DPP6: variants seen among roughly 807,000 people sequenced by gnomAD.
DPP6 encodes A-type potassium channel modulatory protein DPP6.
In DPP6, 69 loss-of-function variants were observed where a neutral mutation model predicts 122.6. The observed-to-expected ratio is 0.56, with a 90% confidence interval of 0.46 to 0.69. The LOEUF is 0.69. Among genes scored for constraint, DPP6 ranks in the 30% least tolerant of loss-of-function variants. The pLI, the probability that DPP6 is intolerant of heterozygous loss-of-function variation, is 0.00. For missense variants in DPP6, 928 were observed against 1,116.9 expected (o/e 0.83, Z 2.41); for synonymous variants, 418 against 433.1 (o/e 0.97, Z 0.43).
At chr7:153,913,892 T>C (rs1162499332) in intron 1 of DPP6, among the ~76,000 whole-genome samples, 1 of 152,122 alleles carries the variant, frequency 6.6e-6, no homozygotes, top group Non-Finnish European at 1.5e-5. Context: ...CATTTGAAAA[T>C]TATATAGTAG....
At chr7:153,840,157 T>C in the DPP6 span, among the ~76,000 whole-genome samples, 3 of 152,196 alleles carry the variant, frequency 2.0e-5, no homozygotes, top group Non-Finnish European at 4.4e-5. Flanking sequence ...TTTTGAATAA[T>C]ATTCCATTTC....
the DPP6 span, among the ~76,000 whole-genome samples, chr7:153,771,090 A>G: frequency 5.9e-5 from 9 of 152,230 alleles, no homozygotes; most frequent in African/African-American, 2.2e-4. Flanking sequence ...TTGGTCCAAA[A>G]TTAATTAGAA....
chr7:153,823,684 G>T, the DPP6 span, among the ~76,000 whole-genome samples: 47 of 151,612 alleles, frequency 3.1e-4, no homozygotes, highest in African/African-American at 1.1e-3. Flanking sequence ...TTGTCTGGGA[G>T]AGCTGGGAAG....
At chr7:154,055,724 CTT>C (rs1386817972) in intron 1 of DPP6, 1 of 152,222 alleles carries the variant, frequency 6.6e-6, no homozygotes, top group Admixed American at 6.5e-5. Flanking sequence ...GAAACCTTCT[CTT>C]GGCTTAGCGC....
At chr7:154,565,269 T>C (rs1830671134) in intron 4 of DPP6, among the ~76,000 whole-genome samples, 1 of 152,238 alleles carries the variant, frequency 6.6e-6, no homozygotes, top group Non-Finnish European at 1.5e-5. Context: ...AATGGTTCAG[T>C]ATCCACTAGT....
intron 1 of DPP6, among the ~76,000 whole-genome samples, chr7:154,343,654 C>T (rs773241082): frequency 1.3e-5 from 2 of 152,222 alleles, no homozygotes; most frequent in East Asian, 3.9e-4. Flanking sequence ...GATCTCGGCT[C>T]ACTGCACCCT....
the DPP6 span, among the ~76,000 whole-genome samples, chr7:153,776,631 A>G: frequency 6.6e-6 from 1 of 152,206 alleles, no homozygotes; most frequent in Non-Finnish European, 1.5e-5. Flanking sequence ...GTCCAGAAAT[A>G]GACTCACATA....
intron 7 of DPP6, among the ~76,000 whole-genome samples, chr7:154,703,726 A>G (rs1296405543): frequency 2.6e-5 from 4 of 152,078 alleles, no homozygotes; most frequent in Non-Finnish European, 5.9e-5. Flanking sequence ...TCATGAGGTC[A>G]GGAATCGACA....
chr7:154,687,053 C>T (rs1839655219), intron 7 of DPP6, among the ~76,000 whole-genome samples: 1 of 148,030 alleles, frequency 6.8e-6, no homozygotes, highest in African/African-American at 2.5e-5. Flanking sequence ...TAACTGTTAC[C>T]AGACAGTATC....
chr7:154,008,711 G>A (rs1166324760), intron 1 of DPP6, among the ~76,000 whole-genome samples: 1 of 147,190 alleles, frequency 6.8e-6, no homozygotes, highest in Admixed American at 6.8e-5. Flanking sequence ...GCCCAGGCTG[G>A]AGTGCAGTGG....
chr7:154,840,314 C>G (rs545854529), intron 16 of DPP6, among the ~76,000 whole-genome samples: 1 of 152,316 alleles, frequency 6.6e-6, no homozygotes, highest in African/African-American at 2.4e-5. Context: ...TGCTGTCACA[C>G]GGTGGACCAA....
chr7:154,600,947 C>T (rs1833387928), intron 5 of DPP6, among the ~76,000 whole-genome samples: 1 of 119,232 alleles, frequency 8.4e-6, no homozygotes, highest in South Asian at 3.6e-4. Context: ...CAAAATTTGC[C>T]AGGCGTGGTG....
At chr7:154,346,189 C>T (rs1810379954) in intron 1 of DPP6, among the ~76,000 whole-genome samples, 1 of 152,132 alleles carries the variant, frequency 6.6e-6, no homozygotes, top group Admixed American at 6.5e-5. Flanking sequence ...CAGAGGTTGG[C>T]CCAGACTCCC....
chr7:153,803,848 C>CAT, the DPP6 span, among the ~76,000 whole-genome samples: 2 of 149,266 alleles, frequency 1.3e-5, no homozygotes, highest in African/African-American at 5.1e-5. Flanking sequence ...TACATACACA[C>CAT]ACACACATAT....
the DPP6 span, among the ~76,000 whole-genome samples, chr7:153,763,417 T>A: frequency 1.3e-5 from 2 of 149,506 alleles, no homozygotes; most frequent in Non-Finnish European, 3.0e-5. Flanking sequence ...TCTTCTGAAT[T>A]ATTTTCTAAG....
At chr7:153,976,098 A>G (rs1796286500) in intron 1 of DPP6, among the ~76,000 whole-genome samples, 1 of 152,196 alleles carries the variant, frequency 6.6e-6, no homozygotes, top group Admixed American at 6.5e-5. Flanking sequence ...GGACTTGGAC[A>G]TGAACTGGGA....
At chr7:153,963,144 G>T (rs533368457) in intron 1 of DPP6, among the ~76,000 whole-genome samples, 1 of 152,282 alleles carries the variant, frequency 6.6e-6, no homozygotes, top group East Asian at 1.9e-4. Flanking sequence ...AGTAGAAAAT[G>T]AGAGTAAAAG....
chr7:154,753,458 G>A (rs1236461252), intron 8 of DPP6, among the ~76,000 whole-genome samples: 1 of 152,124 alleles, frequency 6.6e-6, no homozygotes, highest in Non-Finnish European at 1.5e-5. Flanking sequence ...GCGACCACCT[G>A]TGGATTTTTG....
At chr7:154,438,419 G>C (rs941289545) in intron 1 of DPP6, among the ~76,000 whole-genome samples, 2 of 120,034 alleles carry the variant, frequency 1.7e-5, no homozygotes, top group African/African-American at 6.3e-5. Flanking sequence ...GCAGTGAGTC[G>C]AGATAGCACC....
Sources: gnomAD v4.1 joint callset for allele counts (sites outside exome capture counted in the v4.1 genomes callset) on GRCh38, gnomAD v4.1.1 for gene constraint, MANE v1.5 for transcripts, NCBI Gene and HGNC (gene_info 2026-07-23, HGNC 2026-07-21) for gene names.